FSTL5: variants seen among roughly 807,000 people sequenced by gnomAD.
FSTL5 encodes the protein follistatin-related protein 5.
A neutral mutation model predicts 89.1 loss-of-function variants in FSTL5; 62 were observed. The ratio of observed to expected loss-of-function variants is 0.70; its 90% CI spans 0.57 to 0.86. The LOEUF (loss-of-function observed/expected upper bound fraction) is 0.86. Ranked by LOEUF, FSTL5 falls within the 40% of genes least tolerant of loss-of-function variation. FSTL5 has a pLI of 0.00. For missense variants in FSTL5, 1,057 were observed against 1,001.6 expected, an observed-to-expected ratio of 1.06 and a Z score of -0.75; for synonymous variants, 383 against 346.2, an observed-to-expected ratio of 1.11 and a Z score of -1.18.
intron 1 of FSTL5, among the ~76,000 whole-genome samples, chr4:162,146,773 T>C (rs1733013258): frequency 6.7e-6 from 1 of 149,282 alleles, no homozygotes; most frequent in African/African-American, 2.5e-5. Flanking sequence ...TCTCTCTCTC[T>C]TTCTTTCTTT....
chr4:161,399,612 A>T (rs1210292399), intron 15 of FSTL5, among the ~76,000 whole-genome samples: 2 of 151,958 alleles, frequency 1.3e-5, no homozygotes, highest in African/African-American at 4.8e-5. Context: ...TTTCCACATC[A>T]CTTAGTGGTA....
chr4:161,528,346 AT>A (rs1243456243), intron 10 of FSTL5, among the ~76,000 whole-genome samples: 1 of 143,782 alleles, frequency 7.0e-6, no homozygotes, highest in Non-Finnish European at 1.5e-5. Flanking sequence ...ACAACATTTC[AT>A]GTTTAACATA....
At chr4:162,099,640 T>A (rs565720907) in intron 2 of FSTL5, among the ~76,000 whole-genome samples, 1 of 152,168 alleles carries the variant, frequency 6.6e-6, no homozygotes. Context: ...GAAGACAAAC[T>A]GCATAATAAG....
At chr4:162,159,271 T>C (rs1733601631) in intron 1 of FSTL5, among the ~76,000 whole-genome samples, 1 of 152,092 alleles carries the variant, frequency 6.6e-6, no homozygotes, top group Non-Finnish European at 1.5e-5. Context: ...TATGTCTTAA[T>C]TGCTACCTTG....
chr4:161,980,764 C>CTTTT (rs34223215), intron 3 of FSTL5, among the ~76,000 whole-genome samples: 13 of 71,842 alleles, frequency 1.8e-4, no homozygotes, highest in East Asian at 9.8e-4. Flanking sequence ...CTTCAAGTAA[C>CTTTT]TTTTTTTTTT....
At chr4:162,060,938 A>C (rs761334408) in intron 2 of FSTL5, among the ~76,000 whole-genome samples, 1 of 152,160 alleles carries the variant, frequency 6.6e-6, no homozygotes, top group Non-Finnish European at 1.5e-5. Context: ...CTCAAAATCA[A>C]AATTATGAAT....
At chr4:161,512,334 A>G (rs1432885215) in intron 10 of FSTL5, among the ~76,000 whole-genome samples, 8 of 152,166 alleles carry the variant, frequency 5.3e-5, no homozygotes, top group Admixed American at 5.2e-4. Context: ...CTCTGTGCCC[A>G]TAGAACCTAT....
intron 15 of FSTL5, among the ~76,000 whole-genome samples, chr4:161,423,053 A>G (rs1359861892): frequency 6.6e-6 from 1 of 152,176 alleles, no homozygotes. Flanking sequence ...ATAATGAGAG[A>G]CTATAACTTT....
chr4:161,459,159 T>C lies in FSTL5; in HGVS notation c.1716+53A>G. The C allele has an allele frequency of 8.6e-6, 9 of 1,049,902 alleles. No individual in the cohort carries two copies. The South Asian group carries it at 1.2e-4, about 14-fold the overall frequency. The allele number at this position is 1,049,902 out of a possible 1,614,324, so 65.0% of individuals were successfully genotyped here. On this transcript the variant is annotated intron_variant, in intron 14 of 15. Transcript: ENST00000306100. Reference sequence around the variant, plus strand: ...AAATGATCACAAATATCCAATAAAATGTTGAAAGCTTTAAAGATTGTTATT... The same window carrying C: ...AAATGATCACAAATATCCAATAAAACGTTGAAAGCTTTAAAGATTGTTATT...
intron 8 of FSTL5, among the ~76,000 whole-genome samples, chr4:161,549,510 T>A (rs1228619541): frequency 6.6e-6 from 1 of 151,910 alleles, no homozygotes; most frequent in Non-Finnish European, 1.5e-5. Context: ...ACAGGATGTA[T>A]GTTACAGGCT....
chr4:161,394,972 A>T (rs1730948987), intron 15 of FSTL5, among the ~76,000 whole-genome samples: 1 of 152,150 alleles, frequency 6.6e-6, no homozygotes, highest in Non-Finnish European at 1.5e-5. Flanking sequence ...TTATTGATTT[A>T]AGAAGAAATA....
At chr4:161,980,170 A>T (rs549688950) in intron 3 of FSTL5, among the ~76,000 whole-genome samples, 43 of 113,560 alleles carry the variant, frequency 3.8e-4, no homozygotes, top group African/African-American at 2.0e-3. Context: ...AAAGAAAGAA[A>T]AAGAAAGAGA....
intron 1 of FSTL5, among the ~76,000 whole-genome samples, chr4:162,121,518 A>C (rs13104028): frequency 0.3 from 44,891 of 151,866 alleles, 6,837 homozygotes; most frequent in Middle Eastern, 0.37. Context: ...AGAACTGGGG[A>C]TTATGTATGT....
chr4:162,137,652 T>C (rs2131229), intron 1 of FSTL5, among the ~76,000 whole-genome samples: 116,576 of 152,076 alleles, frequency 0.77, 45,128 homozygotes, highest in Non-Finnish European at 0.83. Context: ...CAGTAGACAT[T>C]TGTATTATTT....
At chr4:161,738,516 TAA>T (rs1157862494) in intron 6 of FSTL5, among the ~76,000 whole-genome samples, 1 of 151,896 alleles carries the variant, frequency 6.6e-6, no homozygotes, top group East Asian at 1.9e-4. Flanking sequence ...ACTATATAAA[TAA>T]GAGTCAGATA....
At chr4:162,022,498 C>T (rs1737126400) in intron 3 of FSTL5, among the ~76,000 whole-genome samples, 1 of 151,886 alleles carries the variant, frequency 6.6e-6, no homozygotes, top group African/African-American at 2.4e-5. Flanking sequence ...ATTTGTATGG[C>T]AAATTAGAAA....
rs183944084 is a variant in FSTL5 at position 162,126,009 on chromosome 4, T to G, written c.-16-14597A>C. On this transcript the variant is annotated intron_variant, in intron 1 of 15. Transcript: ENST00000306100. ...TACAAAGTCTAAAATATTCAATGTA[T>G]CTTTCTTTTGAAGAAGACAAAATGT... is the stretch of plus-strand genomic sequence containing the variant. Among the ~76,000 whole-genome samples the G allele has an allele frequency of 1.6e-3, 241 of 152,158 alleles. 2 individuals are homozygous for G. The highest frequency in any genetic ancestry group is 5.5e-3 in the African/African-American group (229 of 41,560).
intron 7 of FSTL5, among the ~76,000 whole-genome samples, chr4:161,617,205 A>G (rs1453429477): frequency 6.6e-6 from 1 of 152,054 alleles, no homozygotes; most frequent in Non-Finnish European, 1.5e-5. Context: ...AGCTAGATAA[A>G]TTCTGGAGCT....
intron 4 of FSTL5, among the ~76,000 whole-genome samples, chr4:161,864,981 G>C (rs994999561): frequency 6.6e-6 from 1 of 152,008 alleles, no homozygotes; most frequent in Admixed American, 6.5e-5. Flanking sequence ...CTAGCTATGG[G>C]ACATAGTGTA....
Sources: allele counts gnomAD v4.1 joint callset (sites outside exome capture counted in the v4.1 genomes callset), GRCh38; gene constraint gnomAD v4.1.1; transcripts MANE v1.5; gene names NCBI Gene and HGNC (gene_info 2026-07-23, HGNC 2026-07-21).